SNAI3: variants seen among roughly 807,000 people sequenced by gnomAD.
The protein encoded by SNAI3 is zinc finger protein SNAI3.
Under a neutral mutation model 16.4 loss-of-function variants are expected in SNAI3, and 21 were observed. The ratio of observed to expected loss-of-function variants is 1.28; its 90% CI spans 0.91 to 1.85. SNAI3 has a LOEUF of 1.85. Ranked by LOEUF, SNAI3 falls within the 40% of genes most tolerant of loss-of-function variation. The pLI, the probability that SNAI3 is intolerant of heterozygous loss-of-function variation, is 0.00. For missense variants in SNAI3, 457 were observed against 372.8 expected (o/e 1.23, Z -1.86); for synonymous variants, 202 against 166.6 (o/e 1.21, Z -1.64).
rs1567626005 is a variant in SNAI3, at chr16:88,678,540, T to C, written c.787A>G (p.Lys263Glu). ...RAHLQTHSDA[K>E]KYRCRRCTKT... ...GTGCAGCGCCGGCACCGGTACTTCT[T>C]GGCGTCTGAGTGCGTTTGCAGATGG... Residue 263 changes from lysine (K) to glutamate (E), a missense_variant, in exon 3 of 3, where the codon AAG becomes GAG. Lys to Glu is a moderately conservative substitution (Grantham distance 56, BLOSUM62 1). Coordinates refer to ENST00000332281, the MANE Select transcript of SNAI3 (RefSeq NM_178310.4). 1 of 802,660 alleles carries C rather than the reference T, an allele frequency of 1.2e-6. No homozygotes were observed. The allele number at this position is 802,660 out of a possible 1,614,324, so 49.7% of individuals were successfully genotyped here.
intron 1 of SNAI3, 157 bp downstream of exon 1, chr16:88,686,174 C>T: frequency 1.0e-6 from 1 of 980,692 alleles, no homozygotes; most frequent in Non-Finnish European, 1.4e-6. Flanking sequence ...GGGCCACCTC[C>T]CTCCCTGCAG....
chr16:88,681,834 A>G lies in SNAI3; in HGVS notation c.77-120T>C. On this transcript the variant is annotated intron_variant, in intron 1 of 2. Transcript: ENST00000332281. The surrounding 1 kb of genome is among the most constrained non-coding windows in gnomAD (Gnocchi z 5.4). ...ATCAGCAGCCTGGCGTGGGAGGTGT[A>G]GCCGGGAACCTGCATGCAGACCCAG... 2 of 1,173,054 alleles carry G rather than the reference A, an allele frequency of 1.7e-6. No individual in the cohort carries two copies. The highest frequency in any genetic ancestry group is 3.0e-5 in the East Asian group (1 of 33,380). The allele number at this position is 1,173,054 out of a possible 1,614,324, so 72.7% of individuals were successfully genotyped here.
At chr16:88,678,840 T>C (rs1469178595) in intron 2 of SNAI3, 2 of 985,276 alleles carry the variant, frequency 2.0e-6, no homozygotes, top group Non-Finnish European at 1.2e-6. Flanking sequence ...CTAGATCTCC[T>C]AGTGTTGCTG....
At chr16:88,679,146 C>G (rs1024276738) in intron 2 of SNAI3, 2 of 970,606 alleles carry the variant, frequency 2.1e-6, no homozygotes, top group South Asian at 4.8e-5. Context: ...TCCTGAGAGA[C>G]CTCAGCCTGC....
Position 88,678,931 on chromosome 16 carries a change from T to A in SNAI3, c.698-302A>T, listed in dbSNP as rs941193909. ...GCCTCTGGCAGCTGTTTCTGGCCAC[T>A]CACAGGCAAGTGGGGGGGTCTGGCC... On this transcript the variant is annotated intron_variant, in intron 2 of 2. Coordinates refer to ENST00000332281, the MANE Select transcript of SNAI3 (RefSeq NM_178310.4). 15 of 985,196 alleles carry A rather than the reference T, an allele frequency of 1.5e-5. No homozygotes were observed. The African/African-American group carries it at 2.6e-4, about 17-fold the overall frequency. The allele number at this position is 985,196 out of a possible 1,614,324, so 61.0% of individuals were successfully genotyped here. A position where few individuals can be genotyped will look rare whatever the true frequency, so the allele number is the denominator to read the frequency against.
rs753228404 is a variant in SNAI3, at chr16:88,681,068, C to A, written c.697+26G>T. The stretch of plus-strand genomic sequence containing the variant: ...ACCCTCTTCCCCCAGCCCAGACCGT[C>A]CTTGCAGACCTTCACCCTGTCCTAC... On this transcript the variant is annotated intron_variant, in intron 2 of 2. Coordinates refer to ENST00000332281, the MANE Select transcript of SNAI3 (RefSeq NM_178310.4). The surrounding 1 kb of genome is among the most constrained non-coding windows in gnomAD (Gnocchi z 5.4). 3 of 1,590,294 alleles carry A rather than the reference C, an allele frequency of 1.9e-6. No individual in the cohort carries two copies. The South Asian group carries it at 3.3e-5, about 18-fold the overall frequency.
intron 1 of SNAI3, chr16:88,685,878 C>A: frequency 6.1e-6 from 1 of 162,662 alleles, no homozygotes; most frequent in Non-Finnish European, 1.4e-5. Context: ...GTGCTTACAC[C>A]CCCAGTCAGC....
At position 88,686,488 on chromosome 16, in the gene SNAI3, T is replaced by G. The variant is rs1909371637; in HGVS notation, c.-82A>C. On this transcript the variant is annotated 5_prime_UTR_variant, in exon 1 of 3. Transcript: ENST00000332281. Reference sequence around the variant, plus strand: ...TCCGGACTGCTGCGTCCGCCGGCGCTTGAAGGGGTCAGGCTCATTAGCATA... The same window carrying G: ...TCCGGACTGCTGCGTCCGCCGGCGCGTGAAGGGGTCAGGCTCATTAGCATA... 1.9e-6 allele frequency: 3 copies of G among 1,559,140 alleles called. No individual in the cohort carries two copies. In the African/African-American group the frequency reaches 4.1e-5, roughly 21 times the overall value.
At position 88,678,415 on chromosome 16, in the gene SNAI3, C is replaced by A. The variant is rs1166648963; in HGVS notation, c.*33G>T. ...GGGACGCCAGCTCTCCCGGTGAGGA[C>A]CATCCCTCCTACCTGCGCCGACCAC... On this transcript the variant is annotated 3_prime_UTR_variant, in exon 3 of 3. Coordinates refer to ENST00000332281, the MANE Select transcript of SNAI3 (RefSeq NM_178310.4). 2.7e-6 allele frequency: 2 copies of A among 735,348 alleles called. No individual in the cohort carries two copies. The highest frequency in any genetic ancestry group is 1.8e-5 in the Admixed American group (1 of 56,246). The allele number at this position is 735,348 out of a possible 1,614,324, so 45.6% of individuals were successfully genotyped here. A position where few individuals can be genotyped will look rare whatever the true frequency, so the allele number is the denominator to read the frequency against.
chr16:88,683,854 C>T (rs1909265471), intron 1 of SNAI3, among the ~76,000 whole-genome samples: 1 of 152,182 alleles, frequency 6.6e-6, no homozygotes, highest in African/African-American at 2.4e-5. Flanking sequence ...CTGCGCCCGG[C>T]CTGGGCAAGG....
intron 2 of SNAI3, among the ~76,000 whole-genome samples, chr16:88,679,775 A>AGAAAAAAG (rs754024268): frequency 4.7e-4 from 50 of 106,594 alleles, no homozygotes; most frequent in East Asian, 2.2e-3. Flanking sequence ...AAAAAAAAAA[A>AGAAAAAAG]AAAAAAAGAA....
In SNAI3 at chr16:88,677,825, TCG is replaced by T. The variant is rs1909021229; in HGVS notation, c.*621_*622del. ...CATCCCAACACACCCAAATCACCAATCGTGGGCTCTCCCAGTCCTGCCCCATC... is the reference window on the plus strand; with the variant it reads ...CATCCCAACACACCCAAATCACCAATTGGGCTCTCCCAGTCCTGCCCCATC... On this transcript the variant is annotated 3_prime_UTR_variant, in exon 3 of 3. Coordinates refer to ENST00000332281, the MANE Select transcript of SNAI3 (RefSeq NM_178310.4). 1 of 138,792 alleles carries T rather than the reference TCG, an allele frequency of 7.2e-6. No individual in the cohort carries two copies. Among genetic ancestry groups the T allele is most frequent in the Non-Finnish European group, 1.7e-5 (1 of 60,230 alleles). 8.6% of individuals were successfully genotyped at this position (138,792 alleles called of 1,614,324 possible). A position where few individuals can be genotyped will look rare whatever the true frequency, so the allele number is the denominator to read the frequency against.
intron 2 of SNAI3, among the ~76,000 whole-genome samples, chr16:88,679,655 G>A (rs913443920): frequency 2.0e-5 from 3 of 151,224 alleles, no homozygotes; most frequent in Admixed American, 1.3e-4. Context: ...CCGGCTACTC[G>A]GGAGGCTGAG....
intron 2 of SNAI3, among the ~76,000 whole-genome samples, chr16:88,680,158 T>C (rs929693646): frequency 6.6e-6 from 1 of 152,110 alleles, no homozygotes; most frequent in African/African-American, 2.4e-5. Context: ...GCGCCCTTTC[T>C]TCCTTTCTGT....
chr16:88,678,750 C>T, intron 2 of SNAI3, 121 bp from the exon 3 acceptor site: 1 of 1,455,000 alleles, frequency 6.9e-7, no homozygotes, highest in South Asian at 1.4e-5. Context: ...GCCAGAGCAC[C>T]CAAGGTTGAG....
At position 88,686,449 on chromosome 16, in the gene SNAI3, G is replaced by A. The variant is rs1218861113; in HGVS notation, c.-43C>T. 1.3e-6 allele frequency: 2 copies of A among 1,595,888 alleles called. No individual in the cohort carries two copies. The highest frequency in any genetic ancestry group is 1.7e-6 in the Non-Finnish European group (2 of 1,174,956). ...CAGGCCGGGGTGGGCTGGGGCGGGA[G>A]GGGCGCGCCTGGGTCCGGACTGCTG... On this transcript the variant is annotated 5_prime_UTR_variant, in exon 1 of 3. Coordinates refer to ENST00000332281, the MANE Select transcript of SNAI3 (RefSeq NM_178310.4).
intron 1 of SNAI3, among the ~76,000 whole-genome samples, chr16:88,682,478 G>T (rs1375307954): frequency 6.6e-6 from 1 of 152,226 alleles, no homozygotes; most frequent in Non-Finnish European, 1.5e-5. Flanking sequence ...AGATAAACAG[G>T]TTAGTCTGCA....
chr16:88,683,639 C>G (rs1259850483), intron 1 of SNAI3, among the ~76,000 whole-genome samples: 1 of 146,136 alleles, frequency 6.8e-6, no homozygotes, highest in Non-Finnish European at 1.5e-5. Context: ...CTCACTGCAA[C>G]CTCCGCCTCC....
At chr16:88,679,364 A>G (rs2142941713) in intron 2 of SNAI3, among the ~76,000 whole-genome samples, 1 of 152,274 alleles carries the variant, frequency 6.6e-6, no homozygotes, top group South Asian at 2.1e-4. Flanking sequence ...TTTCCCAGAG[A>G]CCTGGAAAAG....
Sources: gnomAD v4.1 joint callset for allele counts (sites outside exome capture counted in the v4.1 genomes callset) on GRCh38, gnomAD v4.1.1 for gene constraint, Gnocchi (gnomAD v3.1) non-coding constraint, MANE v1.5 for transcripts, NCBI Gene and HGNC (gene_info 2026-07-23, HGNC 2026-07-21) for gene names.